HCN1: variants seen among roughly 807,000 people sequenced by gnomAD.
HCN1 encodes the protein potassium/sodium hyperpolarization-activated cyclic nucleotide-gated channel 1.
Under a neutral mutation model 78.9 loss-of-function variants are expected in HCN1, and 13 were observed. That is an observed-to-expected ratio of 0.16 (90% CI 0.11 to 0.26). The LOEUF is 0.26. Ranked by LOEUF, HCN1 falls within the 10% of genes least tolerant of loss-of-function variation. The pLI is 1.00. For missense variants in HCN1, 810 were observed against 1,154.3 expected (o/e 0.70, Z 4.32); for synonymous variants, 552 against 455.5 (o/e 1.21, Z -2.70).
At chr5:45,374,893 GAGAC>G (rs1215656343) in intron 4 of HCN1, among the ~76,000 whole-genome samples, 1 of 144,406 alleles carries the variant, frequency 6.9e-6, no homozygotes, top group African/African-American at 2.5e-5. Context: ...TATATAGAGA[GAGAC>G]AGAGAGAGAG....
intron 4 of HCN1, among the ~76,000 whole-genome samples, chr5:45,380,999 C>T (rs1175634183): frequency 6.6e-6 from 1 of 152,104 alleles, no homozygotes; most frequent in Non-Finnish European, 1.5e-5. Flanking sequence ...CTGAATCATA[C>T]AGAGTTTTCC....
chr5:45,395,677 T>C (rs1739671486), intron 4 of HCN1, among the ~76,000 whole-genome samples: 1 of 152,210 alleles, frequency 6.6e-6, no homozygotes, highest in Admixed American at 6.5e-5. Context: ...AAACGCTCTT[T>C]GGCAAGGTGC....
At chr5:45,500,722 A>G (rs751247164) in intron 2 of HCN1, among the ~76,000 whole-genome samples, 2 of 152,164 alleles carry the variant, frequency 1.3e-5, no homozygotes, top group African/African-American at 4.8e-5. Flanking sequence ...AAATCACACA[A>G]AAAGTTTTAA....
intron 2 of HCN1, among the ~76,000 whole-genome samples, chr5:45,480,681 T>C (rs149559201): frequency 6.6e-6 from 1 of 152,296 alleles, no homozygotes; most frequent in East Asian, 1.9e-4. Context: ...ACAATAAATA[T>C]GTTTTTAAAC....
intron 3 of HCN1, among the ~76,000 whole-genome samples, chr5:45,397,217 CAAAT>C (rs1405945717): frequency 6.6e-6 from 1 of 152,004 alleles, no homozygotes; most frequent in African/African-American, 2.4e-5. Context: ...AAAATTTGAA[CAAAT>C]ATATATTGGA....
chr5:45,374,177 A>T (rs1357636289), intron 4 of HCN1, among the ~76,000 whole-genome samples: 2 of 121,434 alleles, frequency 1.6e-5, no homozygotes, highest in Non-Finnish European at 3.3e-5. Context: ...CATAATATAT[A>T]TTATATATTA....
At chr5:45,312,931 C>T (rs936970243) in intron 5 of HCN1, among the ~76,000 whole-genome samples, 5 of 152,176 alleles carry the variant, frequency 3.3e-5, no homozygotes, top group African/African-American at 1.2e-4. Flanking sequence ...GTAGACTCCA[C>T]CTCTGGGGGC....
At chr5:45,347,307 C>A (rs1746764020) in intron 5 of HCN1, among the ~76,000 whole-genome samples, 1 of 152,188 alleles carries the variant, frequency 6.6e-6, no homozygotes, top group African/African-American at 2.4e-5. Context: ...GCTGAGGGTC[C>A]TGTCTGTTAG....
intron 3 of HCN1, among the ~76,000 whole-genome samples, chr5:45,417,787 G>A (rs904752915): frequency 7.2e-5 from 10 of 138,992 alleles, no homozygotes; most frequent in African/African-American, 2.7e-5. Context: ...ACAAGGTCAC[G>A]CTCAAGGTGT....
In HCN1 at chr5:45,462,027, A is replaced by G. The variant is rs1421358094; in HGVS notation, c.850-20T>C. 7.5e-6 allele frequency: 12 copies of G among 1,600,948 alleles called. No individual in the cohort carries two copies. Among genetic ancestry groups the G allele is most frequent in the Non-Finnish European group, 1.0e-5 (12 of 1,170,442 alleles). ...GAATATCTGTTGACCAAAATATAAA[A>G]TCAATTCTTATAATCAATTTTTTAG... On this transcript the variant is annotated intron_variant, in intron 2 of 7. Transcript: ENST00000303230.
chr5:45,620,196 A>G (rs1035010025), intron 2 of HCN1, among the ~76,000 whole-genome samples: 3 of 152,062 alleles, frequency 2.0e-5, no homozygotes, highest in African/African-American at 7.2e-5. Flanking sequence ...GAAACATCAT[A>G]TATTCCTAAA....
intron 2 of HCN1, among the ~76,000 whole-genome samples, chr5:45,577,715 A>G (rs1258123193): frequency 6.6e-6 from 1 of 152,106 alleles, no homozygotes; most frequent in East Asian, 1.9e-4. Context: ...AATGAGCTTT[A>G]TAAGAACTTT....
At chr5:45,445,807 A>G (rs1318103988) in intron 3 of HCN1, among the ~76,000 whole-genome samples, 2 of 152,194 alleles carry the variant, frequency 1.3e-5, no homozygotes, top group East Asian at 3.9e-4. Flanking sequence ...GCAAACTCCA[A>G]CAGACCTGCA....
chr5:45,365,464 G>A (rs1048570918), intron 4 of HCN1, among the ~76,000 whole-genome samples: 2 of 151,894 alleles, frequency 1.3e-5, no homozygotes, highest in Admixed American at 1.3e-4. Flanking sequence ...TTCTGCCTCT[G>A]AGGTATTTCA....
At chr5:45,673,792 C>T (rs1746205147) in intron 1 of HCN1, among the ~76,000 whole-genome samples, 1 of 151,498 alleles carries the variant, frequency 6.6e-6, no homozygotes. Context: ...CAAAATTGAC[C>T]ATATGCTCTC....
chr5:45,365,365 G>A (rs1747213533), intron 4 of HCN1, among the ~76,000 whole-genome samples: 1 of 151,760 alleles, frequency 6.6e-6, no homozygotes, highest in African/African-American at 2.4e-5. Context: ...CCCTTTTGGA[G>A]TCCCCAAAGA....
intron 2 of HCN1, among the ~76,000 whole-genome samples, chr5:45,581,956 A>T (rs575742282): frequency 1.3e-5 from 2 of 152,284 alleles, no homozygotes; most frequent in Admixed American, 1.3e-4. Context: ...AGGTAGTGTG[A>T]TGCCTCCAGC....
intron 2 of HCN1, among the ~76,000 whole-genome samples, chr5:45,515,677 C>T (rs902206742): frequency 2.0e-5 from 3 of 151,910 alleles, no homozygotes; most frequent in African/African-American, 4.8e-5. Context: ...ATTCTACTAA[C>T]GTCCCACATA....
At chr5:45,560,863 C>T (rs1291517826) in intron 2 of HCN1, among the ~76,000 whole-genome samples, 2 of 152,068 alleles carry the variant, frequency 1.3e-5, no homozygotes, top group African/African-American at 2.4e-5. Flanking sequence ...AAATACGACA[C>T]TGCTTAAACC....
Sources: gnomAD v4.1 joint callset for allele counts (sites outside exome capture counted in the v4.1 genomes callset) on GRCh38, gnomAD v4.1.1 for gene constraint, MANE v1.5 for transcripts, NCBI Gene and HGNC (gene_info 2026-07-23, HGNC 2026-07-21) for gene names.